PHF21A: variants seen among roughly 807,000 people sequenced by gnomAD.
PHF21A encodes PHD finger protein 21A.
A neutral mutation model predicts 82.5 loss-of-function variants in PHF21A; 11 were observed. The observed-to-expected ratio is 0.13, with a 90% confidence interval of 0.08 to 0.22. PHF21A has a LOEUF of 0.22. Ranked by LOEUF, PHF21A falls within the 10% of genes least tolerant of loss-of-function variation. The pLI is 1.00. For synonymous variants in PHF21A, 297 were observed against 302.8 expected (o/e 0.98, Z 0.20); for missense variants, 579 against 837.8 (o/e 0.69, Z 3.81).
chr11:45,989,660 C>T (rs2094610773), intron 6 of PHF21A, among the ~76,000 whole-genome samples: 1 of 149,518 alleles, frequency 6.7e-6, no homozygotes, highest in African/African-American at 2.5e-5. Context: ...CAGAGTGAAA[C>T]TGTCTCAAAA....
At chr11:46,063,912 A>G in intron 6 of PHF21A, among the ~76,000 whole-genome samples, 1 of 152,202 alleles carries the variant, frequency 6.6e-6, no homozygotes, top group East Asian at 1.9e-4. Context: ...GCACTGGTGG[A>G]TTAACTCAAA....
At chr11:45,963,899 GTAAA>G (rs1291096314) in intron 10 of PHF21A, among the ~76,000 whole-genome samples, 1 of 151,914 alleles carries the variant, frequency 6.6e-6, no homozygotes, top group Non-Finnish European at 1.5e-5. Flanking sequence ...TAAAATATGT[GTAAA>G]TAATTTATTT....
At chr11:45,959,116 C>T (rs951412718) in intron 10 of PHF21A, among the ~76,000 whole-genome samples, 6 of 151,928 alleles carry the variant, frequency 3.9e-5, no homozygotes, top group African/African-American at 1.5e-4. Context: ...GTAAGAAAAT[C>T]AATATAATAT....
At chr11:46,080,699 G>A (rs1380632311) in intron 4 of PHF21A, among the ~76,000 whole-genome samples, 1 of 152,030 alleles carries the variant, frequency 6.6e-6, no homozygotes, top group African/African-American at 2.4e-5. Context: ...ATGGGGTCTT[G>A]TTCTGTCACC....
In PHF21A at chr11:45,967,753, A is replaced by G. The variant is rs11820501; in HGVS notation, c.702+2062T>C. Among the ~76,000 whole-genome samples the G allele has an allele frequency of 7.1e-3, 1,068 of 151,448 alleles. 10 individuals are homozygous for G. Among genetic ancestry groups the G allele is most frequent in the African/African-American group, 0.025 (1,016 of 41,372 alleles). ...TGTGGCCCATGAAAGTCTTGTCGGTATGAATGTCTGACTGAACTTAAAACG... is the reference window on the plus strand; with the variant it reads ...TGTGGCCCATGAAAGTCTTGTCGGTGTGAATGTCTGACTGAACTTAAAACG... On this transcript the variant is annotated intron_variant, in intron 9 of 18. Coordinates refer to ENST00000676320, the MANE Select transcript of PHF21A (RefSeq NM_001352027.3).
At chr11:45,942,375 A>T (rs1490333460) in intron 15 of PHF21A, among the ~76,000 whole-genome samples, 1 of 152,214 alleles carries the variant, frequency 6.6e-6, no homozygotes, top group African/African-American at 2.4e-5. Flanking sequence ...ATGCAGAACC[A>T]CAAAATCAAC....
chr11:46,017,293 G>T (rs923035626), intron 6 of PHF21A, among the ~76,000 whole-genome samples: 1 of 152,106 alleles, frequency 6.6e-6, no homozygotes, highest in African/African-American at 2.4e-5. Flanking sequence ...TTTTTAACAG[G>T]CATATTTGCT....
intron 6 of PHF21A, among the ~76,000 whole-genome samples, chr11:45,989,778 T>G: frequency 6.6e-6 from 1 of 152,062 alleles, no homozygotes; most frequent in Non-Finnish European, 1.5e-5. Context: ...GCAGGAGGAC[T>G]GCTTGGGCCC....
chr11:46,048,726 C>T (rs2096295699), intron 6 of PHF21A, among the ~76,000 whole-genome samples: 4 of 151,898 alleles, frequency 2.6e-5, no homozygotes, highest in African/African-American at 7.3e-5. Context: ...GTCAAGATGG[C>T]GCCACTGCAC....
chr11:45,990,293 C>A lies in PHF21A; in HGVS notation c.154-10327G>T, dbSNP rs563107193. 7.0e-5 allele frequency among the ~76,000 whole-genome samples: 8 copies of A among 114,356 alleles called. No homozygotes were observed. In the East Asian group the frequency reaches 2.0e-3, roughly 28 times the overall value. The allele number at this position is 114,356 out of a possible 152,430, so 75.0% of individuals were successfully genotyped here. On this transcript the variant is annotated intron_variant, in intron 6 of 18. Coordinates refer to ENST00000676320, the MANE Select transcript of PHF21A (RefSeq NM_001352027.3). ...TTTTTTTTTCAAACAGGATCTCACT[C>A]TGTCCCCCAGGCTGGAGTGCAGTGG... is the stretch of plus-strand genomic sequence containing the variant.
chr11:46,091,381 T>C (rs1195168101), intron 2 of PHF21A, among the ~76,000 whole-genome samples: 3 of 152,212 alleles, frequency 2.0e-5, no homozygotes, highest in Non-Finnish European at 4.4e-5. Context: ...GCCCTGTGCA[T>C]TCAAAGAAAT....
intron 6 of PHF21A, among the ~76,000 whole-genome samples, chr11:46,050,082 A>T (rs561756586): frequency 6.6e-6 from 1 of 152,264 alleles, no homozygotes; most frequent in Non-Finnish European, 1.5e-5. Flanking sequence ...CAGCAGAGTT[A>T]GCGATTGCCA....
chr11:45,948,249 C>T (rs2091582400), intron 14 of PHF21A, among the ~76,000 whole-genome samples: 1 of 152,186 alleles, frequency 6.6e-6, no homozygotes, highest in African/African-American at 2.4e-5. Context: ...GCTGCTGCTA[C>T]TGCTATTTTT....
At chr11:45,970,757 A>G (rs1295666492) in intron 8 of PHF21A, 5 of 213,572 alleles carry the variant, frequency 2.3e-5, no homozygotes, top group Non-Finnish European at 3.8e-5. Context: ...AATACAGCAC[A>G]AGAGAGTTTA....
intron 7 of PHF21A, among the ~76,000 whole-genome samples, chr11:45,978,616 A>C (rs964112178): frequency 6.6e-6 from 1 of 152,226 alleles, no homozygotes; most frequent in African/African-American, 2.4e-5. Flanking sequence ...ATCCACGCTT[A>C]GGTTTCAGAG....
intron 1 of PHF21A, chr11:46,119,816 G>C (rs1852544433): frequency 6.6e-6 from 1 of 150,880 alleles, no homozygotes; most frequent in South Asian, 2.1e-4. Context: ...ATGACGAGAA[G>C]TGTTGGGAAC....
At chr11:45,940,747 G>A (rs927516115) in intron 15 of PHF21A, among the ~76,000 whole-genome samples, 4 of 152,120 alleles carry the variant, frequency 2.6e-5, no homozygotes, top group African/African-American at 9.7e-5. Flanking sequence ...TCTTTAGAAA[G>A]TTTATTTAAA....
chr11:46,104,633 T>C lies in PHF21A; in HGVS notation c.-236-12410A>G, dbSNP rs190583044. 2.0e-5 allele frequency among the ~76,000 whole-genome samples: 3 copies of C among 152,300 alleles called. No homozygotes were observed. The East Asian group carries it at 5.8e-4, about 29-fold the overall frequency. On this transcript the variant is annotated intron_variant, in intron 1 of 18. Coordinates refer to ENST00000676320, the MANE Select transcript of PHF21A (RefSeq NM_001352027.3). ...TCCAGCTAAATTGTTCCAAATTTACTCTTTTCCCATGAACTTTTAGTGGGA... is the reference window on the plus strand; with the variant it reads ...TCCAGCTAAATTGTTCCAAATTTACCCTTTTCCCATGAACTTTTAGTGGGA...
intron 14 of PHF21A, 26 bp downstream of exon 14, chr11:45,948,860 A>G: frequency 1.3e-6 from 2 of 1,583,346 alleles, no homozygotes; most frequent in South Asian, 1.1e-5. Context: ...AACAGCAGCA[A>G]GGGAGAGATA....
Sources: gnomAD v4.1 joint callset for allele counts (sites outside exome capture counted in the v4.1 genomes callset) on GRCh38, gnomAD v4.1.1 for gene constraint, MANE v1.5 for transcripts, NCBI Gene and HGNC (gene_info 2026-07-23, HGNC 2026-07-21) for gene names.